The following ZZZ3 variants were observed in gnomAD, a reference collection of about 807,000 sequenced individuals.
The protein encoded by ZZZ3 is zinc finger ZZ-type containing 3.
A neutral mutation model predicts 95.2 loss-of-function variants in ZZZ3; 22 were observed. The ratio of observed to expected loss-of-function variants is 0.23; its 90% CI spans 0.17 to 0.33. The LOEUF (loss-of-function observed/expected upper bound fraction) is 0.33, where lower values mean the gene tolerates loss of function less well. ZZZ3 is among the 10% of genes least tolerant of loss of function. ZZZ3 has a pLI of 1.00. For missense variants in ZZZ3, 885 were observed against 1,066.5 expected (o/e 0.83, Z 2.37); for synonymous variants, 335 against 358.9 (o/e 0.93, Z 0.75).
At chr1:77,587,486 G>C (rs1019406855) in intron 5 of ZZZ3, among the ~76,000 whole-genome samples, 1 of 151,964 alleles carries the variant, frequency 6.6e-6, no homozygotes, top group Non-Finnish European at 1.5e-5. Context: ...GGATGTTCTC[G>C]ATCTCATGAC....
At chr1:77,592,549 AC>A (rs1663816122) in intron 5 of ZZZ3, among the ~76,000 whole-genome samples, 2 of 151,924 alleles carry the variant, frequency 1.3e-5, no homozygotes, top group Admixed American at 1.3e-4. Context: ...TGACCTGCCC[AC>A]CCCGGCCTCC....
At chr1:77,581,921 T>C (rs1448748547) in intron 7 of ZZZ3, 30 bp from the exon 8 acceptor site, 7 of 1,607,026 alleles carry the variant, frequency 4.4e-6, no homozygotes, top group Non-Finnish European at 6.0e-6. Flanking sequence ...ACAGAACTGT[T>C]AAAGCAAAAC....
chr1:77,565,570 G>A lies in ZZZ3; in HGVS notation c.*70C>T. On this transcript the variant is annotated 3_prime_UTR_variant, in exon 15 of 15. Transcript: ENST00000370801. ...GGAAAGCAGAGAATCTTTCCAAACTGTGCACATAATTAACAATGATACCAT... is the reference window on the plus strand; with the variant it reads ...GGAAAGCAGAGAATCTTTCCAAACTATGCACATAATTAACAATGATACCAT... 6.6e-7 allele frequency: 1 copy of A among 1,503,762 alleles called. No homozygotes were observed. Among genetic ancestry groups the A allele is most frequent in the Non-Finnish European group, 9.1e-7 (1 of 1,099,854 alleles). 93.2% of individuals were successfully genotyped at this position (1,503,762 alleles called of 1,614,324 possible).
At position 77,581,811 on chromosome 1, in the gene ZZZ3, T is replaced by G. The variant is rs767181552; in HGVS notation, c.1873A>C (p.Ser625Arg). Reference protein sequence around the residue: ...ESLSYSMLPLSDGPEGSSSRP... With the variant: ...ESLSYSMLPLRDGPEGSSSRP... ...CTGCTTGAGCCTTCTGGACCATCAC[T>G]CAAAGGCAACATAGAATATGAAAGG... The change falls in exon 8 of 15, where the codon AGT (serine) becomes CGT (arginine). Residue 625 changes from serine to arginine, a missense_variant. By Grantham distance (110) the Ser-to-Arg change is moderately radical (BLOSUM62 -1). Coordinates refer to ENST00000370801, the MANE Select transcript of ZZZ3 (RefSeq NM_015534.6). The G allele has an allele frequency of 6.2e-7, 1 of 1,614,018 alleles. No homozygotes were observed. Among genetic ancestry groups the G allele is most frequent in the East Asian group, 2.2e-5 (1 of 44,864 alleles).
chr1:77,593,605 A>G (rs956293005), intron 5 of ZZZ3, among the ~76,000 whole-genome samples: 1 of 152,204 alleles, frequency 6.6e-6, no homozygotes, highest in Non-Finnish European at 1.5e-5. Flanking sequence ...AACTATTCCT[A>G]GGAGACTTGT....
chr1:77,650,129 AAAGT>A (rs1669670671), intron 1 of ZZZ3, among the ~76,000 whole-genome samples: 2 of 152,308 alleles, frequency 1.3e-5, no homozygotes, highest in South Asian at 2.1e-4. Flanking sequence ...GAACAGAGAA[AAAGT>A]AATAGTAAAA....
At chr1:77,614,671 TAA>T (rs1314622656) in intron 5 of ZZZ3, among the ~76,000 whole-genome samples, 4 of 152,280 alleles carry the variant, frequency 2.6e-5, no homozygotes, top group Non-Finnish European at 5.9e-5. Flanking sequence ...TAAATTTTAA[TAA>T]GTTAAATATA....
intron 4 of ZZZ3, among the ~76,000 whole-genome samples, chr1:77,635,798 C>A (rs535206177): frequency 2.6e-5 from 4 of 151,864 alleles, no homozygotes; most frequent in Non-Finnish European, 5.9e-5. Flanking sequence ...CCCAGCTACT[C>A]GGGAGGCTGA....
intron 1 of ZZZ3, among the ~76,000 whole-genome samples, 162 bp from the exon 2 acceptor site, chr1:77,641,817 C>T (rs1557754871): frequency 2.0e-5 from 3 of 152,156 alleles, no homozygotes; most frequent in Non-Finnish European, 4.4e-5. Context: ...GTGTCTTCAA[C>T]AAACTAAGAT....
rs149662790 is a variant in ZZZ3, at chr1:77,631,480, T to A, written c.1505+370A>T. On this transcript the variant is annotated intron_variant, in intron 5 of 14. Coordinates refer to ENST00000370801, the MANE Select transcript of ZZZ3 (RefSeq NM_015534.6). ...TATCTGGATGATGTCTAAGCACTCATTAATTGTCCTATGCTATCTAGAACT... is the reference window on the plus strand; with the variant it reads ...TATCTGGATGATGTCTAAGCACTCAATAATTGTCCTATGCTATCTAGAACT... Among the ~76,000 whole-genome samples, 196 of 152,320 alleles carry A rather than the reference T, an allele frequency of 1.3e-3. 1 individual carries two copies. Among genetic ancestry groups the A allele is most frequent in the African/African-American group, 4.4e-3 (181 of 41,578 alleles).
At chr1:77,655,008 T>C (rs933763454) in intron 1 of ZZZ3, among the ~76,000 whole-genome samples, 1 of 152,118 alleles carries the variant, frequency 6.6e-6, no homozygotes, top group Non-Finnish European at 1.5e-5. Context: ...GAATTGTCTC[T>C]GGTGAGAGCC....
chr1:77,639,686 AAAT>A (rs1389930078), intron 3 of ZZZ3, 84 bp from the exon 4 acceptor site: 2 of 369,712 alleles, frequency 5.4e-6, no homozygotes, highest in Non-Finnish European at 9.6e-6. Flanking sequence ...TAATAAGAAG[AAAT>A]ACAGGTACAG....
chr1:77,682,231 G>C (rs1252307302), intron 1 of ZZZ3, among the ~76,000 whole-genome samples: 1 of 152,142 alleles, frequency 6.6e-6, no homozygotes, highest in Non-Finnish European at 1.5e-5. Flanking sequence ...AGCAGAAAAC[G>C]CGACACAATA....
intron 5 of ZZZ3, among the ~76,000 whole-genome samples, chr1:77,601,120 A>G (rs1664689074): frequency 6.6e-6 from 1 of 152,212 alleles, no homozygotes; most frequent in South Asian, 2.1e-4. Context: ...GGAGATAGAA[A>G]AGGTAAGTAG....
chr1:77,572,550 G>C (rs1461053392), intron 12 of ZZZ3, among the ~76,000 whole-genome samples: 1 of 152,036 alleles, frequency 6.6e-6, no homozygotes, highest in Non-Finnish European at 1.5e-5. Flanking sequence ...ATATTGGCCA[G>C]GCTGGTCTCC....
intron 1 of ZZZ3, among the ~76,000 whole-genome samples, chr1:77,674,951 CAAA>C (rs538347422): frequency 8.2e-5 from 6 of 73,590 alleles, no homozygotes; most frequent in Admixed American, 1.5e-4. Context: ...GACTCGGTCT[CAAA>C]AAAAAAAAAA....
rs774006056 is a variant in ZZZ3, at chr1:77,632,551, G to C, written c.804C>G (p.Cys268Trp). Residue 268 changes from cysteine to tryptophan, a missense_variant, in exon 5 of 15, where the codon TGC (cysteine) becomes TGG (tryptophan). Coordinates refer to ENST00000370801, the MANE Select transcript of ZZZ3 (RefSeq NM_015534.6). ...EDSYIDHKVPCTDSQVQVKLE... is the reference protein window; with the variant it reads ...EDSYIDHKVPWTDSQVQVKLE... Reference sequence around the variant, plus strand: ...ACTTGACCTGCACTTGTGAATCTGTGCAAGGCACCTTATGGTCTATATAAC... The same window carrying C: ...ACTTGACCTGCACTTGTGAATCTGTCCAAGGCACCTTATGGTCTATATAAC... 3 of 1,614,162 alleles carry C rather than the reference G, an allele frequency of 1.9e-6. No individual in the cohort carries two copies. In the South Asian group the frequency reaches 3.3e-5, roughly 18 times the overall value.
intron 5 of ZZZ3, among the ~76,000 whole-genome samples, chr1:77,591,582 G>A (rs1663704282): frequency 6.6e-6 from 1 of 152,146 alleles, no homozygotes; most frequent in Non-Finnish European, 1.5e-5. Context: ...GGCCTCAAGG[G>A]ATCCTCCCAG....
chr1:77,596,673 G>A (rs1036347196), intron 5 of ZZZ3, among the ~76,000 whole-genome samples: 1 of 152,078 alleles, frequency 6.6e-6, no homozygotes, highest in African/African-American at 2.4e-5. Context: ...AAGAGGAACT[G>A]TACATAGCAC....
Sources: gnomAD v4.1 joint callset for allele counts (sites outside exome capture counted in the v4.1 genomes callset) on GRCh38, gnomAD v4.1.1 for gene constraint, MANE v1.5 for transcripts, NCBI Gene and HGNC (gene_info 2026-07-23, HGNC 2026-07-21) for gene names.